KCNH1: variants seen among roughly 807,000 people sequenced by gnomAD.
KCNH1 encodes potassium voltage-gated channel subfamily H member 1.
A neutral mutation model predicts 69.2 loss-of-function variants in KCNH1; 27 were observed. The observed-to-expected ratio is 0.39, with a 90% CI of 0.29 to 0.54. The LOEUF (loss-of-function observed/expected upper bound fraction) is 0.54, where lower values mean the gene tolerates loss of function less well. Among genes scored for constraint, KCNH1 ranks in the 20% least tolerant of loss-of-function variants. The pLI, the probability that KCNH1 is intolerant of heterozygous loss-of-function variation, is 0.68. For synonymous variants in KCNH1, 456 were observed against 487.7 expected (o/e 0.93, Z 0.86); for missense variants, 798 against 1,261.6 (o/e 0.63, Z 5.57).
chr1:210,795,965 ACAC>A (rs1684305036), intron 9 of KCNH1, among the ~76,000 whole-genome samples: 8 of 82,268 alleles, frequency 9.7e-5, no homozygotes, highest in African/African-American at 4.4e-4. Flanking sequence ...TACTAAAAAC[ACAC>A]ACACACACAC....
At chr1:210,902,191 T>C (rs905533272) in intron 7 of KCNH1, among the ~76,000 whole-genome samples, 2 of 152,212 alleles carry the variant, frequency 1.3e-5, no homozygotes, top group Non-Finnish European at 2.9e-5. Flanking sequence ...GGTTCCCAAC[T>C]CTGCAGAGCA....
chr1:210,846,967 A>G (rs1187317245), intron 7 of KCNH1, among the ~76,000 whole-genome samples: 2 of 152,242 alleles, frequency 1.3e-5, no homozygotes, highest in East Asian at 3.8e-4. Context: ...CAGACAAAAA[A>G]CACGTGAAAA....
intron 10 of KCNH1, among the ~76,000 whole-genome samples, chr1:210,696,045 C>T (rs141224418): frequency 1.0e-3 from 158 of 152,346 alleles, no homozygotes; most frequent in African/African-American, 3.5e-3. Context: ...TCTCTGGTCA[C>T]TCCCTGCACA....
intron 7 of KCNH1, among the ~76,000 whole-genome samples, chr1:210,836,247 A>T (rs960595130): frequency 1.3e-5 from 2 of 152,182 alleles, no homozygotes; most frequent in African/African-American, 4.8e-5. Flanking sequence ...GCAGGGTTTC[A>T]ATGACAGTGA....
At chr1:210,794,461 A>G (rs1684267574) in intron 9 of KCNH1, among the ~76,000 whole-genome samples, 1 of 152,190 alleles carries the variant, frequency 6.6e-6, no homozygotes, top group African/African-American at 2.4e-5. Flanking sequence ...AATGCCTGGG[A>G]GGGCCCCAAG....
rs148674046 is a variant in KCNH1 at position 211,050,023 on chromosome 1, A to C, written c.559-30767T>G. Among the ~76,000 whole-genome samples the C allele has an allele frequency of 3.7e-3, 561 of 152,242 alleles. 8 individuals carry two copies. The highest frequency in any genetic ancestry group is 4.9e-3 in the Non-Finnish European group (330 of 68,000). ...TTGGCTTCACTGGTCATTTAAGGAC[A>C]CAAGTAGAGCACCCTCCATAAATAC... On this transcript the variant is annotated intron_variant, in intron 5 of 10. Coordinates refer to ENST00000271751, the MANE Select transcript of KCNH1 (RefSeq NM_172362.3).
At chr1:211,108,450 T>C (rs1691398882) in intron 1 of KCNH1, 1 of 152,196 alleles carries the variant, frequency 6.6e-6, no homozygotes, top group Non-Finnish European at 1.5e-5. Flanking sequence ...AGTGATATAT[T>C]ATATCATCAT....
intron 5 of KCNH1, among the ~76,000 whole-genome samples, chr1:211,024,602 T>C (rs748067730): frequency 3.3e-5 from 5 of 152,268 alleles, no homozygotes; most frequent in Non-Finnish European, 7.4e-5. Flanking sequence ...GGTAAAAGAA[T>C]AATAATCTGA....
At chr1:210,695,738 AT>A (rs1197821690) in intron 10 of KCNH1, among the ~76,000 whole-genome samples, 1 of 119,808 alleles carries the variant, frequency 8.3e-6, no homozygotes, top group Non-Finnish European at 1.7e-5. Context: ...TGGAAATAAT[AT>A]GCTTTACAAG....
At chr1:210,922,099 G>A (rs554600281) in intron 6 of KCNH1, among the ~76,000 whole-genome samples, 6 of 151,744 alleles carry the variant, frequency 4.0e-5, no homozygotes, top group East Asian at 3.9e-4. Flanking sequence ...AAAAACTGAC[G>A]GGCCAGGCGC....
chr1:211,109,540 C>A (rs142181004), intron 1 of KCNH1, among the ~76,000 whole-genome samples: 72 of 152,200 alleles, frequency 4.7e-4, no homozygotes, highest in African/African-American at 1.7e-3. Context: ...TAGTTAATTT[C>A]CCTCAAAACA....
intron 7 of KCNH1, among the ~76,000 whole-genome samples, chr1:210,822,581 A>T (rs954624146): frequency 2.6e-5 from 4 of 152,124 alleles, no homozygotes; most frequent in Non-Finnish European, 5.9e-5. Flanking sequence ...TGCTGTCTTA[A>T]AATTCCTAAC....
chr1:210,719,398 A>G (rs569874155), intron 10 of KCNH1, among the ~76,000 whole-genome samples: 1 of 152,338 alleles, frequency 6.6e-6, no homozygotes, highest in African/African-American at 2.4e-5. Flanking sequence ...ATACACCCAG[A>G]CATGGATGAA....
intron 5 of KCNH1, among the ~76,000 whole-genome samples, chr1:211,061,245 TA>T (rs1175770116): frequency 6.6e-6 from 1 of 152,008 alleles, no homozygotes; most frequent in African/African-American, 2.4e-5. Flanking sequence ...AAACATTTGA[TA>T]AAATTCAATA....
chr1:210,979,733 ACC>A (rs973430234), intron 6 of KCNH1, among the ~76,000 whole-genome samples: 1 of 152,130 alleles, frequency 6.6e-6, no homozygotes, highest in African/African-American at 2.4e-5. Context: ...GTTACTCTTT[ACC>A]CAAACCAGTT....
At chr1:210,748,465 T>C (rs1189521658) in intron 10 of KCNH1, among the ~76,000 whole-genome samples, 1 of 152,192 alleles carries the variant, frequency 6.6e-6, no homozygotes, top group African/African-American at 2.4e-5. Context: ...TTAGAGATAA[T>C]ACAGTGCCTA....
intron 6 of KCNH1, among the ~76,000 whole-genome samples, chr1:211,006,743 TA>T (rs1030280635): frequency 2.6e-5 from 4 of 152,106 alleles, no homozygotes; most frequent in Non-Finnish European, 5.9e-5. Flanking sequence ...ATTATTGTGA[TA>T]AAAAAGTTAA....
chr1:210,761,016 G>A lies in KCNH1; in HGVS notation c.2112+14332C>T, dbSNP rs528701487. On this transcript the variant is annotated intron_variant, in intron 10 of 10. Coordinates refer to ENST00000271751, the MANE Select transcript of KCNH1 (RefSeq NM_172362.3). The stretch of plus-strand genomic sequence containing the variant: ...GCCTGTAATCCCAGCACTTTGGGAG[G>A]CCGAGGCGGGCGGATCACAAGGTCA... Among the ~76,000 whole-genome samples, 26 of 152,042 alleles carry A rather than the reference G, an allele frequency of 1.7e-4. 1 individual carries two copies. The South Asian group carries it at 5.0e-3, about 29-fold the overall frequency.
At chr1:210,885,658 T>C (rs1319161868) in intron 7 of KCNH1, among the ~76,000 whole-genome samples, 3 of 152,180 alleles carry the variant, frequency 2.0e-5, no homozygotes, top group Non-Finnish European at 4.4e-5. Flanking sequence ...AAATTCTTGC[T>C]GCCAGCACAG....
Sources: gnomAD v4.1 joint callset for allele counts (sites outside exome capture counted in the v4.1 genomes callset) on GRCh38, gnomAD v4.1.1 for gene constraint, MANE v1.5 for transcripts, NCBI Gene and HGNC (gene_info 2026-07-23, HGNC 2026-07-21) for gene names.